The following IPO4 variants were observed in gnomAD, a reference collection of about 807,000 sequenced individuals.
IPO4 encodes the protein importin-4.
In IPO4, 91 loss-of-function variants were observed where a neutral mutation model predicts 133.5. The ratio of observed to expected loss-of-function variants is 0.68; its 90% CI spans 0.58 to 0.81. IPO4 has a LOEUF of 0.81. Among genes scored for constraint, IPO4 ranks in the 30% least tolerant of loss-of-function variants. IPO4 has a pLI of 0.00. For missense variants in IPO4, 1,279 were observed against 1,386.2 expected (o/e 0.92, Z 1.23); for synonymous variants, 607 against 581.6 (o/e 1.04, Z -0.63).
rs748753318 is a variant in IPO4 at position 24,181,719 on chromosome 14, C to T, written c.2932G>A (p.Glu978Lys). 35 of 1,602,634 alleles carry T rather than the reference C, an allele frequency of 2.2e-5. No individual in the cohort carries two copies. Among genetic ancestry groups the T allele is most frequent in the Non-Finnish European group, 3.0e-5 (35 of 1,172,956 alleles). Residue 978 changes from glutamate to lysine, a missense_variant, in exon 27 of 30, where the codon GAG becomes AAG. By Grantham distance (56) the Glu-to-Lys change is moderately conservative (BLOSUM62 1). Around this residue, in one of 3 missense-constraint regions of IPO4, gnomAD observed 575 missense variants for 653.4 expected, o/e 0.88. Transcript: ENST00000354464. ...ATGTCTCCCTCCCTCACCTGGGGCT[C>T]TGGTTTCCTGGTGGGACTGGCCATC... is the stretch of plus-strand genomic sequence containing the variant. ...LLMASPTRKP[E>K]PQVLAALLHA...
At position 24,188,326 on chromosome 14, in the gene IPO4, A is replaced by C. The variant is rs1330359213; in HGVS notation, c.236+18T>G. The C allele has an allele frequency of 5.6e-6, 9 of 1,606,552 alleles. No individual in the cohort carries two copies. Among genetic ancestry groups the C allele is most frequent in the Admixed American group, 1.7e-5 (1 of 59,868 alleles). On this transcript the variant is annotated intron_variant, in intron 3 of 29. Coordinates refer to ENST00000354464, the MANE Select transcript of IPO4 (RefSeq NM_024658.4). ...AAAAGTCTCCGCCTGGCCCCGCCCCACCCCAGGCCCAGCCCACCTCTCCCG... is the reference window on the plus strand; with the variant it reads ...AAAAGTCTCCGCCTGGCCCCGCCCCCCCCCAGGCCCAGCCCACCTCTCCCG...
intron 22 of IPO4, 26 bp downstream of exon 22, chr14:24,183,224 C>T: frequency 1.2e-6 from 2 of 1,612,056 alleles, no homozygotes; most frequent in East Asian, 4.5e-5. Context: ...CCCAAGAACC[C>T]CCAGCCTGGC....
At chr14:24,186,077 G>T (rs2039218067) in intron 11 of IPO4, 52 bp downstream of exon 11, 5 of 1,607,048 alleles carry the variant, frequency 3.1e-6, no homozygotes, top group Non-Finnish European at 4.3e-6. Flanking sequence ...GGCCTCAGGG[G>T]GACTAGGCAC....
rs761634856 is a variant in IPO4, at chr14:24,186,296, G to A, written c.996C>T (p.Phe332=). 4 of 1,605,846 alleles carry A rather than the reference G, an allele frequency of 2.5e-6. No individual in the cohort carries two copies. Among genetic ancestry groups the A allele is most frequent in the East Asian group, 2.2e-5 (1 of 44,742 alleles). Residue 332 remains phenylalanine (F), a synonymous_variant, in exon 10 of 30, where the codon TTC becomes TTT. Coordinates refer to ENST00000354464, the MANE Select transcript of IPO4 (RefSeq NM_024658.4). ...CTGCCCCACATCTCACTTGTACAGC[G>A]AAATGCTTGGGAGTCTCCCCCATCA... ...IELMGETPKH[F]AVQVVDMLAL...
rs1175910482 is a variant in IPO4, at chr14:24,183,831, T to A, written c.1937A>T (p.Glu646Val). The change falls in exon 19 of 30, where the codon GAG becomes GTG. Residue 646 changes from glutamate (E) to valine (V), a missense_variant. Physicochemically the swap from Glu to Val is moderately radical, Grantham distance 121 (BLOSUM62 -2). Coordinates refer to ENST00000354464, the MANE Select transcript of IPO4 (RefSeq NM_024658.4). ...TTCTTCCACATCCTCATCCATGAGC[T>A]CCTCCTCTTCTTCCCCATCACTCTC... ...DDESDGEEEEELMDEDVEEED... is the reference protein window; with the variant it reads ...DDESDGEEEEVLMDEDVEEED... The A allele has an allele frequency of 6.2e-7, 1 of 1,613,922 alleles. No homozygotes were observed. The highest frequency in any genetic ancestry group is 1.7e-5 in the Admixed American group (1 of 59,986).
chr14:24,183,719 C>T, intron 19 of IPO4, 52 bp from the exon 20 acceptor site: 1 of 1,614,174 alleles, frequency 6.2e-7, no homozygotes, highest in Non-Finnish European at 8.5e-7. Context: ...GGAGCAGATC[C>T]AGCACTAGGC....
At position 24,180,752 on chromosome 14, in the gene IPO4, CT is replaced by C; in HGVS notation, c.3051del (p.Ile1017MetfsTer32). The C allele has an allele frequency of 6.2e-7, 1 of 1,613,884 alleles. No homozygotes were observed. The highest frequency in any genetic ancestry group is 8.5e-7 in the Non-Finnish European group (1 of 1,179,990). On this transcript the variant is annotated frameshift_variant, in exon 29 of 30. Coordinates refer to ENST00000354464, the MANE Select transcript of IPO4 (RefSeq NM_024658.4). LOFTEE classifies it high-confidence loss of function. ...FLYQSSPDQVIDVAPELLRIC... is the reference protein window; with the variant it reads ...FLYQSSPDQVXDVAPELLRIC... ...ATACGCAGAAGCTCGGGAGCCACAT[CT>C]ATAACCTGTGAGGAAAGAGTGGCTG...
At position 24,180,867 on chromosome 14, in the gene IPO4, C is replaced by T. The variant is rs571956801; in HGVS notation, c.3046-109G>A. The T allele has an allele frequency of 1.0e-3, 822 of 810,956 alleles. 1 individual carries two copies. The highest frequency in any genetic ancestry group is 1.4e-3 in the Non-Finnish European group (707 of 519,252). The allele number at this position is 810,956 out of a possible 1,614,324, so 50.2% of individuals were successfully genotyped here. On this transcript the variant is annotated intron_variant, in intron 28 of 29. Coordinates refer to ENST00000354464, the MANE Select transcript of IPO4 (RefSeq NM_024658.4). Reference sequence around the variant, plus strand: ...TCTCTTATCAGGGGGGTGGTTGCACCTGGTACTGATTCACAGGCATCCAAG... The same window carrying T: ...TCTCTTATCAGGGGGGTGGTTGCACTTGGTACTGATTCACAGGCATCCAAG...
chr14:24,184,097 A>G lies in IPO4; in HGVS notation c.1770T>C (p.Phe590=), dbSNP rs2039183013. 1.9e-6 allele frequency: 3 copies of G among 1,612,240 alleles called. No individual in the cohort carries two copies. Among genetic ancestry groups the G allele is most frequent in the South Asian group, 2.2e-5 (2 of 90,984 alleles). The change falls in exon 18 of 30, where the codon TTT becomes TTC. Residue 590 remains phenylalanine (F), a synonymous_variant. Transcript: ENST00000354464. ...PDLRRCTYSL[F]AALSGLMGEG... is the part of the protein sequence containing the mutation. The stretch of plus-strand genomic sequence containing the variant: ...CACCCATCAGACCCGATAAGGCTGC[A>G]AATAGGCTGTACCTGGTCAAAGCAG...
chr14:24,180,378 GCTGAGAGGTGGT>G lies in IPO4; in HGVS notation c.*52_*63del. On this transcript the variant is annotated 3_prime_UTR_variant, in exon 30 of 30. Transcript: ENST00000354464. Reference sequence around the variant, plus strand: ...CTTTGGTAAGGCAGAACTGAACTGGGCTGAGAGGTGGTCTTAAGGCCTGGGCAGGCTCTATTC... The same window carrying G: ...CTTTGGTAAGGCAGAACTGAACTGGGCTTAAGGCCTGGGCAGGCTCTATTC... 6.4e-7 allele frequency: 1 copy of G among 1,564,706 alleles called. No homozygotes were observed. Among genetic ancestry groups the G allele is most frequent in the Non-Finnish European group, 8.7e-7 (1 of 1,151,560 alleles).
intron 18 of IPO4, 26 bp downstream of exon 18, chr14:24,183,972 G>GGGGCCCC: frequency 1.7e-5 from 26 of 1,573,120 alleles, no homozygotes; most frequent in Non-Finnish European, 2.2e-5. Flanking sequence ...GGCAGGCCTG[G>GGGGCCCC]CCCAGCCCAC....
Position 24,184,319 on chromosome 14 carries a change from T to C in IPO4, c.1736A>G (p.Asp579Gly), listed in dbSNP as rs1180180831. Residue 579 changes from aspartate to glycine, a missense_variant, in exon 17 of 30, where the codon GAC becomes GGC. Around this residue, in one of 3 missense-constraint regions of IPO4, gnomAD observed 575 missense variants for 653.4 expected, o/e 0.88. Transcript: ENST00000354464. ...LGLGLCDQVD[D>G]PDLRRCTYSL... ...TCACGTGCAGCGCCGCAAGTCAGGG[T>C]CGTCTACCTGGTCGCAGAGGCCCAG... is the stretch of plus-strand genomic sequence containing the variant. The C allele has an allele frequency of 2.5e-6, 4 of 1,585,920 alleles. No homozygotes were observed. Among genetic ancestry groups the C allele is most frequent in the Non-Finnish European group, 3.4e-6 (4 of 1,166,312 alleles).
In IPO4 at chr14:24,184,960, G is replaced by T. The variant is rs367901124; in HGVS notation, c.1429C>A (p.Leu477Ile). The change falls in exon 15 of 30, where the codon CTT (leucine) becomes ATT (isoleucine). Residue 477 changes from leucine to isoleucine, a missense_variant. Leu to Ile is a conservative substitution (Grantham distance 5). Around this residue, in one of 3 missense-constraint regions of IPO4, gnomAD observed 695 missense variants for 704.1 expected, o/e 0.99. Transcript: ENST00000354464. ...AGCATGCATTCCATAAGCTCCGGAA[G>T]GTAGGGCTGCACCTTGGGCCCTGTG... ...ENLGPKVQPYLPELMECMLQL... is the reference protein window; with the variant it reads ...ENLGPKVQPYIPELMECMLQL... 1.2e-6 allele frequency: 2 copies of T among 1,613,816 alleles called. No homozygotes were observed. The highest frequency in any genetic ancestry group is 2.7e-5 in the African/African-American group (2 of 74,922).
intron 7 of IPO4, 46 bp downstream of exon 7, chr14:24,187,039 C>T: frequency 6.2e-7 from 1 of 1,612,446 alleles, no homozygotes; most frequent in Non-Finnish European, 8.5e-7. Flanking sequence ...AAACTGGACA[C>T]TTCTGCACTC....
intron 9 of IPO4, 90 bp from the exon 10 acceptor site, chr14:24,186,541 T>C: frequency 6.8e-7 from 1 of 1,471,098 alleles, no homozygotes. Flanking sequence ...CCATAAGGGG[T>C]CTGACAGAAA....
rs150736698 is a variant in IPO4 at position 24,186,194 on chromosome 14, T to C, written c.1006-12A>G. ...AGCATGTCCACAACCTGAGATGGGA[T>C]GGGGAGACTTACTTTGCTTGACTCC... On this transcript the variant is annotated splice_polypyrimidine_tract_variant and intron_variant, in intron 10 of 29. Coordinates refer to ENST00000354464, the MANE Select transcript of IPO4 (RefSeq NM_024658.4). 112 of 1,613,668 alleles carry C rather than the reference T, an allele frequency of 6.9e-5. No homozygotes were observed. The highest frequency in any genetic ancestry group is 6.6e-4 in the Middle Eastern group (4 of 6,058).
intron 24 of IPO4, 151 bp from the exon 25 acceptor site, chr14:24,182,554 G>T: frequency 1.7e-6 from 2 of 1,157,788 alleles, no homozygotes; most frequent in Non-Finnish European, 2.5e-6. Flanking sequence ...CCATGACCCA[G>T]CTTCTTCCCC....
rs765029525 is a variant in IPO4 at position 24,186,401 on chromosome 14, G to A, written c.891C>T (p.Pro297=). 3.0e-5 allele frequency: 48 copies of A among 1,610,996 alleles called. No individual in the cohort carries two copies. The highest frequency in any genetic ancestry group is 3.9e-5 in the Non-Finnish European group (46 of 1,178,226). ...LLPPLLHTLF[P]IVAAEPPPGQ... ...CTGGTGGGGGCTCAGCAGCCACAAT[G>A]GGGAAAAGGGTGTGCAGCAAGGGTG... is the stretch of plus-strand genomic sequence containing the variant. The change falls in exon 10 of 30, where the codon CCC becomes CCT. Residue 297 remains proline (P), a synonymous_variant. Transcript: ENST00000354464.
intron 24 of IPO4, 110 bp from the exon 25 acceptor site, chr14:24,182,513 A>G: frequency 6.9e-7 from 1 of 1,449,244 alleles, no homozygotes; most frequent in South Asian, 1.3e-5. Context: ...CCCTTGGTTG[A>G]TAGGGCTGGC....
Sources: gnomAD v4.1 joint callset for allele counts on GRCh38, gnomAD v4.1.1 for gene constraint, gnomAD v4.1.1 regional missense constraint, MANE v1.5 for transcripts, NCBI Gene and HGNC (gene_info 2026-07-23, HGNC 2026-07-21) for gene names.